UBR1: variants seen among roughly 807,000 people sequenced by gnomAD.
UBR1 encodes ubiquitin protein ligase E3 component n-recognin 1, also known as E3 ubiquitin-protein ligase UBR1.
In UBR1, 102 loss-of-function variants were observed where a neutral mutation model predicts 242.1. The ratio of observed to expected loss-of-function variants is 0.42; its 90% CI spans 0.36 to 0.50. UBR1 has a LOEUF of 0.50. Ranked by LOEUF, UBR1 falls within the 20% of genes least tolerant of loss-of-function variation. UBR1 has a pLI of 0.01. For missense variants in UBR1, 1,772 were observed against 2,101.8 expected (o/e 0.84, Z 3.07); for synonymous variants, 675 against 684.8 (o/e 0.99, Z 0.22).
At chr15:43,016,773 G>A (rs2141298215) in intron 28 of UBR1, among the ~76,000 whole-genome samples, 1 of 152,212 alleles carries the variant, frequency 6.6e-6, no homozygotes, top group East Asian at 1.9e-4. Flanking sequence ...GACGTGGTTT[G>A]GCCATGTTGG....
At chr15:42,957,917 A>G (rs1223875516) in intron 44 of UBR1, 96 bp downstream of exon 44, 1 of 1,111,186 alleles carries the variant, frequency 9.0e-7, no homozygotes, top group Non-Finnish European at 1.3e-6. Context: ...AAACAAAAAA[A>G]CAAAAACAAG....
chr15:43,016,935 C>T (rs1333799880), intron 28 of UBR1, among the ~76,000 whole-genome samples, 160 bp downstream of exon 28: 2 of 152,156 alleles, frequency 1.3e-5, no homozygotes, highest in Non-Finnish European at 2.9e-5. Flanking sequence ...CCATTAATCT[C>T]CACAATATAG....
intron 27 of UBR1, among the ~76,000 whole-genome samples, chr15:43,019,905 G>A (rs971564418): frequency 1.3e-5 from 2 of 150,180 alleles, no homozygotes; most frequent in Admixed American, 1.3e-4. Flanking sequence ...TGCCTGGCCG[G>A]TTTTATGTTT....
rs1016786593 is a variant in UBR1 at position 42,950,302 on chromosome 15, G to A, written c.5068C>T (p.Pro1690Ser). 6.2e-7 allele frequency: 1 copy of A among 1,614,068 alleles called. No homozygotes were observed. Among genetic ancestry groups the A allele is most frequent in the Non-Finnish European group, 8.5e-7 (1 of 1,180,026 alleles). Residue 1690 changes from proline to serine, a missense_variant, in exon 46 of 47, where the codon CCT becomes TCT. By Grantham distance (74) the Pro-to-Ser change is moderately conservative (BLOSUM62 -1). Transcript: ENST00000290650. The part of the protein sequence containing the change: ...GKARGCAYPA[P>S]YLDEYGETDP... Reference sequence around the variant, plus strand: ...GTTTCTCCATATTCATCCAAGTAAGGAGCTGGATAGGCACAGCCTCTGGCT... The same window carrying A: ...GTTTCTCCATATTCATCCAAGTAAGAAGCTGGATAGGCACAGCCTCTGGCT...
chr15:43,013,549 G>A (rs2032957764), intron 29 of UBR1, among the ~76,000 whole-genome samples: 1 of 152,176 alleles, frequency 6.6e-6, no homozygotes, highest in Admixed American at 6.5e-5. Context: ...TGTAATAACT[G>A]CAGTCATTTT....
intron 29 of UBR1, 75 bp downstream of exon 29, chr15:43,015,613 T>A: frequency 6.6e-7 from 1 of 1,510,458 alleles, no homozygotes; most frequent in Non-Finnish European, 9.1e-7. Flanking sequence ...AATCCCCCTC[T>A]CGGAGAAACA....
chr15:42,955,542 C>CTTG (rs1398517069), intron 44 of UBR1, among the ~76,000 whole-genome samples: 1 of 152,214 alleles, frequency 6.6e-6, no homozygotes, highest in Non-Finnish European at 1.5e-5. Flanking sequence ...CAAGTTACTA[C>CTTG]TTGTTACATG....
chr15:43,084,007 T>C (rs1224081062), intron 2 of UBR1, among the ~76,000 whole-genome samples: 1 of 152,052 alleles, frequency 6.6e-6, no homozygotes, highest in Non-Finnish European at 1.5e-5. Context: ...ATAGCGCCAC[T>C]GTACTCTAGC....
intron 46 of UBR1, among the ~76,000 whole-genome samples, chr15:42,949,671 T>G (rs1162707224): frequency 6.6e-6 from 1 of 150,882 alleles, no homozygotes; most frequent in East Asian, 2.0e-4. Context: ...TAGTGGCACA[T>G]GCCTGTAGTC....
At chr15:43,002,117 G>C (rs1391352274) in intron 32 of UBR1, among the ~76,000 whole-genome samples, 1 of 152,066 alleles carries the variant, frequency 6.6e-6, no homozygotes, top group African/African-American at 2.4e-5. Flanking sequence ...CATTTTAAAA[G>C]TATAATACAA....
chr15:43,011,385 T>G (rs1461923130), intron 29 of UBR1, among the ~76,000 whole-genome samples: 1 of 152,108 alleles, frequency 6.6e-6, no homozygotes, highest in African/African-American at 2.4e-5. Context: ...GGTAAACATA[T>G]GTAACAAAGC....
At chr15:43,070,273 A>G (rs1287406533) in intron 5 of UBR1, among the ~76,000 whole-genome samples, 2 of 150,990 alleles carry the variant, frequency 1.3e-5, no homozygotes, top group Admixed American at 1.3e-4. Context: ...AAAAAAAAAA[A>G]AGCTACATCC....
chr15:43,087,359 T>G (rs2034050779), intron 1 of UBR1, among the ~76,000 whole-genome samples: 2 of 151,754 alleles, frequency 1.3e-5, no homozygotes, highest in South Asian at 4.2e-4. Context: ...GAGCCGAGAA[T>G]GCGCCACTGT....
intron 12 of UBR1, among the ~76,000 whole-genome samples, chr15:43,051,225 T>C (rs572540791): frequency 2.0e-5 from 3 of 152,300 alleles, no homozygotes; most frequent in South Asian, 2.1e-4. Flanking sequence ...ATATACACCA[T>C]GGAATACTAT....
intron 29 of UBR1, among the ~76,000 whole-genome samples, chr15:43,015,102 A>G (rs1279355310): frequency 6.6e-6 from 1 of 151,248 alleles, no homozygotes; most frequent in Non-Finnish European, 1.5e-5. Flanking sequence ...CTGGGAAGTG[A>G]GGAGCCCCTC....
chr15:42,980,181 T>C (rs1567114451), intron 37 of UBR1, among the ~76,000 whole-genome samples: 1 of 152,218 alleles, frequency 6.6e-6, no homozygotes, highest in Non-Finnish European at 1.5e-5. Context: ...AGAATACTCT[T>C]TGTGTCATCA....
At chr15:42,965,714 G>A (rs922728554) in intron 41 of UBR1, among the ~76,000 whole-genome samples, 1 of 152,028 alleles carries the variant, frequency 6.6e-6, no homozygotes, top group Non-Finnish European at 1.5e-5. Flanking sequence ...TGATCCACCC[G>A]CCTCGGCCTC....
chr15:42,947,175 G>C (rs1239060361), intron 46 of UBR1, among the ~76,000 whole-genome samples: 2 of 152,124 alleles, frequency 1.3e-5, no homozygotes, highest in East Asian at 3.9e-4. Context: ...TATTGCAATG[G>C]AAACAATATC....
In UBR1 at chr15:42,945,159, G is replaced by A; in HGVS notation, c.*170C>T. The A allele has an allele frequency of 1.2e-6, 1 of 826,944 alleles. No individual in the cohort carries two copies. Among genetic ancestry groups the A allele is most frequent in the Non-Finnish European group, 1.9e-6 (1 of 519,296 alleles). The allele number at this position is 826,944 out of a possible 1,614,324, so 51.2% of individuals were successfully genotyped here. A position where few individuals can be genotyped will look rare whatever the true frequency, so the allele number is the denominator to read the frequency against. ...CTTTTTTCCTGTGAAGCATATGTTT[G>A]CTAATTGAAAGCAATACTCCATTAA... On this transcript the variant is annotated 3_prime_UTR_variant, in exon 47 of 47. Coordinates refer to ENST00000290650, the MANE Select transcript of UBR1 (RefSeq NM_174916.3).
Sources: allele counts gnomAD v4.1 joint callset (sites outside exome capture counted in the v4.1 genomes callset), GRCh38; gene constraint gnomAD v4.1.1; transcripts MANE v1.5; gene names NCBI Gene and HGNC (gene_info 2026-07-23, HGNC 2026-07-21).